DENND4C: variants seen among roughly 807,000 people sequenced by gnomAD.
DENND4C encodes the protein DENN domain-containing protein 4C.
In DENND4C, 108 loss-of-function variants were observed where a neutral mutation model predicts 203.0. The observed-to-expected ratio is 0.53, with a 90% confidence interval of 0.46 to 0.62. DENND4C has a LOEUF of 0.62. Ranked by LOEUF, DENND4C falls within the 20% of genes least tolerant of loss-of-function variation. DENND4C has a pLI of 0.00. For missense variants in DENND4C, 2,481 were observed against 2,301.2 expected (o/e 1.08, Z -1.60); for synonymous variants, 871 against 792.4 (o/e 1.10, Z -1.67).
intron 10 of DENND4C, among the ~76,000 whole-genome samples, chr9:19,315,600 T>C (rs1841681611): frequency 1.3e-5 from 2 of 151,080 alleles, no homozygotes; most frequent in Admixed American, 1.3e-4. Flanking sequence ...TATGTGTGTG[T>C]ATATATATAC....
rs968300474 is a variant in DENND4C at position 19,354,654 on chromosome 9, C to T, written c.4781+1989C>T. Among the ~76,000 whole-genome samples the T allele has an allele frequency of 8.8e-5, 13 of 147,614 alleles. No individual in the cohort carries two copies. In the East Asian group the frequency reaches 2.0e-3, roughly 23 times the overall value. Reference sequence around the variant, plus strand: ...ACAACGTCTGCCTCCCAGGTTGAAGCGATTCTCCTGCCTTAGCCTCCCGAG... The same window carrying T: ...ACAACGTCTGCCTCCCAGGTTGAAGTGATTCTCCTGCCTTAGCCTCCCGAG... On this transcript the variant is annotated intron_variant, in intron 26 of 32. Transcript: ENST00000434457.
chr9:19,362,072 G>C (rs140899772), intron 30 of DENND4C, 109 bp downstream of exon 30: 3 of 598,508 alleles, frequency 5.0e-6, no homozygotes, highest in African/African-American at 3.8e-5. Flanking sequence ...TCAGGAGTTG[G>C]AGACCAGGCT....
intron 1 of DENND4C, among the ~76,000 whole-genome samples, chr9:19,255,420 T>G (rs1240378117): frequency 6.6e-6 from 1 of 151,904 alleles, no homozygotes; most frequent in Non-Finnish European, 1.5e-5. Context: ...AAAAAAATTT[T>G]TTTTTAATGT....
chr9:19,334,980 T>A lies in DENND4C; in HGVS notation c.2464T>A (p.Cys822Ser), dbSNP rs1356088260. 1 of 1,591,492 alleles carries A rather than the reference T, an allele frequency of 6.3e-7. No homozygotes were observed. The highest frequency in any genetic ancestry group is 8.5e-7 in the Non-Finnish European group (1 of 1,172,952). ...ACTGATTTTTTTTTTTTGTTAGGTG[T>A]GCTATCGAGTAGTGATGCAGCTTTG... ...KTDVDPLDEVCYRVVMQLCGL... is the reference protein window; with the variant it reads ...KTDVDPLDEVSYRVVMQLCGL... Residue 822 changes from cysteine to serine, a missense_variant, in exon 18 of 33, where the codon TGC (cysteine) becomes AGC (serine). Cys to Ser is a moderately radical substitution (Grantham distance 112). This residue lies in a region of DENND4C where 2,289 missense variants were observed against 2,113.3 expected (regional missense o/e 1.08). Transcript: ENST00000434457.
At chr9:19,284,183 A>G (rs577204431) in intron 2 of DENND4C, among the ~76,000 whole-genome samples, 2 of 152,208 alleles carry the variant, frequency 1.3e-5, no homozygotes, top group African/African-American at 2.4e-5. Context: ...TGCCTAGCCT[A>G]TTTCTTTCTC....
intron 21 of DENND4C, among the ~76,000 whole-genome samples, chr9:19,341,468 C>T (rs1821644534): frequency 6.6e-6 from 1 of 151,864 alleles, no homozygotes; most frequent in Non-Finnish European, 1.5e-5. Flanking sequence ...TGCCACCACA[C>T]CCAGCTAATT....
chr9:19,331,447 T>A (rs2131783236), intron 16 of DENND4C, among the ~76,000 whole-genome samples: 1 of 152,232 alleles, frequency 6.6e-6, no homozygotes, highest in Non-Finnish European at 1.5e-5. Context: ...GTGATCCATC[T>A]GCCTTGGCCT....
chr9:19,332,565 G>A (rs1015200654), intron 17 of DENND4C, among the ~76,000 whole-genome samples: 10 of 144,706 alleles, frequency 6.9e-5, no homozygotes, highest in East Asian at 2.0e-4. Flanking sequence ...GGGTCTCACC[G>A]TGTTGGCCAG....
chr9:19,266,206 G>A (rs1041293862), intron 1 of DENND4C, among the ~76,000 whole-genome samples: 1 of 152,208 alleles, frequency 6.6e-6, no homozygotes, highest in African/African-American at 2.4e-5. Context: ...CTGATGGCCA[G>A]TGATGATGAG....
chr9:19,274,054 A>G (rs1832334778), intron 1 of DENND4C, among the ~76,000 whole-genome samples: 1 of 152,062 alleles, frequency 6.6e-6, no homozygotes. Flanking sequence ...ATATTCATTC[A>G]GTAGAATACC....
chr9:19,346,826 A>G lies in DENND4C; in HGVS notation c.4057A>G (p.Lys1353Glu). 6.2e-7 allele frequency: 1 copy of G among 1,614,218 alleles called. No individual in the cohort carries two copies. The highest frequency in any genetic ancestry group is 8.5e-7 in the Non-Finnish European group (1 of 1,180,034). ...EKSSPAVSRS[K>E]TFTGRFKQQT... ...GAGCTCACCTGCAGTGTCCAGGTCTAAAACTTTTACTGGGCGTTTCAAGCA... is the reference window on the plus strand; with the variant it reads ...GAGCTCACCTGCAGTGTCCAGGTCTGAAACTTTTACTGGGCGTTTCAAGCA... Residue 1353 changes from lysine to glutamate, a missense_variant, in exon 23 of 33, where the codon AAA (lysine) becomes GAA (glutamate). Around this residue, in one of 3 missense-constraint regions of DENND4C, gnomAD observed 2,289 missense variants for 2,113.3 expected, o/e 1.08. Transcript: ENST00000434457.
intron 3 of DENND4C, 60 bp from the exon 4 acceptor site, chr9:19,288,536 A>G (rs1835661342): frequency 9.2e-7 from 1 of 1,082,954 alleles, no homozygotes; most frequent in African/African-American, 1.6e-5. Context: ...TTGGTATCCA[A>G]CAAAATCAAT....
intron 1 of DENND4C, among the ~76,000 whole-genome samples, chr9:19,272,789 A>G (rs368744510): frequency 6.6e-6 from 1 of 151,936 alleles, no homozygotes. Flanking sequence ...GTTTTTTGAG[A>G]TGGAGTCTTG....
intron 1 of DENND4C, among the ~76,000 whole-genome samples, chr9:19,262,040 A>T (rs1341415724): frequency 9.9e-6 from 1 of 101,310 alleles, no homozygotes; most frequent in Admixed American, 9.4e-5. Flanking sequence ...TTGTATATTG[A>T]TTTTATATCC....
intron 1 of DENND4C, among the ~76,000 whole-genome samples, chr9:19,238,405 A>T (rs993954006): frequency 6.7e-6 from 1 of 150,248 alleles, no homozygotes; most frequent in Non-Finnish European, 1.5e-5. Context: ...AGTGGTTGCT[A>T]GCAGTCCTTA....
intron 21 of DENND4C, among the ~76,000 whole-genome samples, 184 bp from the exon 22 acceptor site, chr9:19,342,449 G>A (rs1352904139): frequency 6.6e-6 from 1 of 152,174 alleles, no homozygotes; most frequent in Non-Finnish European, 1.5e-5. Flanking sequence ...ATTTATTTCA[G>A]TTAATATTGG....
intron 1 of DENND4C, among the ~76,000 whole-genome samples, chr9:19,235,185 G>C (rs909599466): frequency 2.0e-5 from 3 of 151,880 alleles, no homozygotes; most frequent in East Asian, 3.9e-4. Context: ...GGCTGGTCTT[G>C]AACTCCTGAC....
intron 10 of DENND4C, among the ~76,000 whole-genome samples, chr9:19,312,731 G>A (rs1412266662): frequency 6.6e-6 from 1 of 152,104 alleles, no homozygotes; most frequent in African/African-American, 2.4e-5. Context: ...ACTTAATTAA[G>A]GCTGTGTTAT....
In DENND4C at chr9:19,358,644, G is replaced by C. The variant is rs1285253932; in HGVS notation, c.5160+484G>C. 6.6e-6 allele frequency among the ~76,000 whole-genome samples: 1 copy of C among 151,864 alleles called. No homozygotes were observed. Among genetic ancestry groups the C allele is most frequent in the Non-Finnish European group, 1.5e-5 (1 of 68,026 alleles). ...ATGTGTGCTTGTGTATGTGTGGGTT[G>C]TAGTTTGAGGAATCAGGATCAAATA... is the stretch of plus-strand genomic sequence containing the variant. On this transcript the variant is annotated intron_variant, in intron 28 of 32. Transcript: ENST00000434457. This position sits in a 1 kb window ranked among gnomAD's most constrained non-coding sequence, Gnocchi z 4.8.
Sources: gnomAD v4.1 joint callset for allele counts (sites outside exome capture counted in the v4.1 genomes callset) on GRCh38, gnomAD v4.1.1 for gene constraint, gnomAD v4.1.1 regional missense constraint, Gnocchi (gnomAD v3.1) non-coding constraint, MANE v1.5 for transcripts, NCBI Gene and HGNC (gene_info 2026-07-23, HGNC 2026-07-21) for gene names.